The following GCLC variants were observed in gnomAD, a reference collection of about 807,000 sequenced individuals.
GCLC encodes glutamate-cysteine ligase catalytic subunit.
In GCLC, 30 loss-of-function variants were observed where a neutral mutation model predicts 81.5. The ratio of observed to expected loss-of-function variants is 0.37; its 90% CI spans 0.28 to 0.50. The LOEUF (loss-of-function observed/expected upper bound fraction) is 0.50, where lower values mean the gene tolerates loss of function less well. Among genes scored for constraint, GCLC ranks in the 20% least tolerant of loss-of-function variants. GCLC has a pLI of 0.96. For synonymous variants in GCLC, 262 were observed against 273.3 expected (o/e 0.96, Z 0.41); for missense variants, 556 against 777.4 (o/e 0.72, Z 3.39).
intron 1 of GCLC, among the ~76,000 whole-genome samples, chr6:53,527,480 C>T (rs954418253): frequency 2.6e-5 from 4 of 152,150 alleles, no homozygotes; most frequent in East Asian, 1.9e-4. Context: ...TTGCTGGACA[C>T]GCTCCCTGCC....
chr6:53,529,263 T>C (rs1763133257), intron 1 of GCLC, among the ~76,000 whole-genome samples: 1 of 152,226 alleles, frequency 6.6e-6, no homozygotes, highest in East Asian at 1.9e-4. Context: ...AATGTAGACC[T>C]GCTCTTTCAT....
rs997788796 is a variant in GCLC at position 53,544,792 on chromosome 6, T to C, written c.-147A>G. On this transcript the variant is annotated 5_prime_UTR_variant, in exon 1 of 16. Transcript: ENST00000650454. ...CGGGCCGCAGTCGGCGGAGGGAGGG[T>C]CCTGCCCGCTCCGGCTCCCCGGCGG... The C allele has an allele frequency of 3.0e-6, 2 of 660,118 alleles. No homozygotes were observed. Among genetic ancestry groups the C allele is most frequent in the Non-Finnish European group, 4.6e-6 (2 of 437,090 alleles). The allele number at this position is 660,118 out of a possible 1,614,324, so 40.9% of individuals were successfully genotyped here.
At chr6:53,525,320 G>A (rs558495136) in intron 1 of GCLC, among the ~76,000 whole-genome samples, 27 of 152,166 alleles carry the variant, frequency 1.8e-4, no homozygotes, top group Admixed American at 5.9e-4. Flanking sequence ...ATTCTGAATC[G>A]TAACTGCATA....
At position 53,506,110 on chromosome 6, in the gene GCLC, A is replaced by G; in HGVS notation, c.1198-215T>C. The G allele has an allele frequency of 2.0e-6, 1 of 511,808 alleles. No individual in the cohort carries two copies. Among genetic ancestry groups the G allele is most frequent in the South Asian group, 2.0e-5 (1 of 50,770 alleles). The allele number at this position is 511,808 out of a possible 1,614,324, so 31.7% of individuals were successfully genotyped here. A position where few individuals can be genotyped will look rare whatever the true frequency, so the allele number is the denominator to read the frequency against. ...TTAACAAAAGCTATGAGGCCCTATCACTGCAAGCTTAATCTCACCCAGCTC... is the reference window on the plus strand; with the variant it reads ...TTAACAAAAGCTATGAGGCCCTATCGCTGCAAGCTTAATCTCACCCAGCTC... On this transcript the variant is annotated intron_variant, in intron 10 of 15. Coordinates refer to ENST00000650454, the MANE Select transcript of GCLC (RefSeq NM_001498.4). The surrounding 1 kb of genome is among the most constrained non-coding windows in gnomAD (Gnocchi z 4.0).
At chr6:53,525,828 C>G (rs1166945378) in intron 1 of GCLC, among the ~76,000 whole-genome samples, 2 of 152,040 alleles carry the variant, frequency 1.3e-5, no homozygotes, top group Non-Finnish European at 2.9e-5. Flanking sequence ...GTCACAATGC[C>G]CTGAAGGTGA....
At chr6:53,517,115 C>T (rs1446723003) in intron 3 of GCLC, among the ~76,000 whole-genome samples, 1 of 123,726 alleles carries the variant, frequency 8.1e-6, no homozygotes, top group Admixed American at 9.6e-5. Context: ...GAGAAAGGGT[C>T]TTGCTCTGTC....
chr6:53,507,423 A>C lies in GCLC; in HGVS notation c.1084+57T>G, dbSNP rs1037599252. 4 of 1,590,258 alleles carry C rather than the reference A, an allele frequency of 2.5e-6. No individual in the cohort carries two copies. In the South Asian group the frequency reaches 4.4e-5, roughly 18 times the overall value. ...AGGAGTCAGCAAAAAAGTGTAAAAG[A>C]GCTTTGAAGAACTAAAGGCGTACAT... On this transcript the variant is annotated intron_variant, in intron 9 of 15. Transcript: ENST00000650454.
chr6:53,498,716 G>T lies in GCLC; in HGVS notation c.*40C>A, dbSNP rs539194390. 3 of 1,235,908 alleles carry T rather than the reference G, an allele frequency of 2.4e-6. No individual in the cohort carries two copies. The Admixed American group carries it at 5.0e-5, about 21-fold the overall frequency. 76.6% of individuals were successfully genotyped at this position (1,235,908 alleles called of 1,614,324 possible). ...GCTGGCTGAGAGGCATGGTACTGTA[G>T]CCAGTTCGTCAATAATGCATTTTTC... On this transcript the variant is annotated 3_prime_UTR_variant, in exon 16 of 16. Transcript: ENST00000650454.
At chr6:53,542,205 C>T (rs533717329) in intron 1 of GCLC, among the ~76,000 whole-genome samples, 76 of 152,238 alleles carry the variant, frequency 5.0e-4, no homozygotes, top group Middle Eastern at 3.4e-3. Flanking sequence ...ATCTGCTCAG[C>T]GTAATTTTTT....
chr6:53,509,342 G>A lies in GCLC; in HGVS notation c.754-92C>T, dbSNP rs549196989. The A allele has an allele frequency of 1.3e-3, 1,071 of 800,088 alleles. 7 individuals are homozygous for A. The highest frequency in any genetic ancestry group is 1.4e-4 in the Non-Finnish European group (61 of 446,746). The allele number at this position is 800,088 out of a possible 1,614,324, so 49.6% of individuals were successfully genotyped here. A position where few individuals can be genotyped will look rare whatever the true frequency, so the allele number is the denominator to read the frequency against. ...AGAGAAGGAAGGTGCTGGGCAGAGA[G>A]GGGCAAGTTAACAACGCTTCATTAA... On this transcript the variant is annotated intron_variant, in intron 6 of 15. Transcript: ENST00000650454.
In GCLC at chr6:53,534,491, A is replaced by C. The variant is rs202197558; in HGVS notation, c.150+10005T>G. On this transcript the variant is annotated intron_variant, in intron 1 of 15. Transcript: ENST00000650454. ...ACCTGAAAAACCAAAAAACAAAAAA[A>C]AAAAAGAGAGAGGAAGAGAAAATAT... 1.6e-3 allele frequency among the ~76,000 whole-genome samples: 156 copies of C among 96,306 alleles called. 1 individual carries two copies. The highest frequency in any genetic ancestry group is 0.015 in the Admixed American group (140 of 9,456). The allele number at this position is 96,306 out of a possible 152,430, so 63.2% of individuals were successfully genotyped here.
intron 3 of GCLC, among the ~76,000 whole-genome samples, chr6:53,519,766 C>A (rs1431247758): frequency 6.6e-6 from 1 of 152,096 alleles, no homozygotes; most frequent in African/African-American, 2.4e-5. Flanking sequence ...AGAGAAGTGA[C>A]CTGTACATAC....
chr6:53,509,430 G>A (rs1203739225), intron 6 of GCLC, 180 bp from the exon 7 acceptor site: 5 of 645,178 alleles, frequency 7.7e-6, no homozygotes, highest in Non-Finnish European at 1.4e-5. Flanking sequence ...ACTAGAAAAT[G>A]GTATTTAATT....
intron 1 of GCLC, among the ~76,000 whole-genome samples, chr6:53,540,782 C>G (rs1030571081): frequency 6.6e-6 from 1 of 151,930 alleles, no homozygotes; most frequent in Admixed American, 6.6e-5. Flanking sequence ...AAATAATGCT[C>G]TTACAAAAGG....
Position 53,544,625 on chromosome 6 carries a change from G to C in GCLC, c.21C>G (p.Gly7=). Reference sequence around the variant, plus strand: ...TGGTTTCCTCCCAGCTCAGCGGCGAGCCCTGGGACAGCAGCCCCATGGCCG... The same window carrying C: ...TGGTTTCCTCCCAGCTCAGCGGCGACCCCTGGGACAGCAGCCCCATGGCCG... MGLLSQ[G]SPLSWEETKR... Residue 7 remains glycine, a synonymous_variant, in exon 1 of 16, where the codon GGC becomes GGG. Coordinates refer to ENST00000650454, the MANE Select transcript of GCLC (RefSeq NM_001498.4). 1 of 1,600,324 alleles carries C rather than the reference G, an allele frequency of 6.2e-7. No homozygotes were observed. Among genetic ancestry groups the C allele is most frequent in the Non-Finnish European group, 8.5e-7 (1 of 1,179,240 alleles).
At position 53,544,686 on chromosome 6, in the gene GCLC, G is replaced by A. The variant is rs1188482238; in HGVS notation, c.-41C>T. 4 of 1,441,144 alleles carry A rather than the reference G, an allele frequency of 2.8e-6. No homozygotes were observed. Among genetic ancestry groups the A allele is most frequent in the Non-Finnish European group, 3.7e-6 (4 of 1,085,302 alleles). The allele number at this position is 1,441,144 out of a possible 1,614,324, so 89.3% of individuals were successfully genotyped here. On this transcript the variant is annotated 5_prime_UTR_variant, in exon 1 of 16. Transcript: ENST00000650454. ...CTCCTCCTCCTCCTCCGGGCTGACGGCGGTCGCCCGCTCCGGGCGCGAGAC... is the reference window on the plus strand; with the variant it reads ...CTCCTCCTCCTCCTCCGGGCTGACGACGGTCGCCCGCTCCGGGCGCGAGAC...
intron 9 of GCLC, 65 bp from the exon 10 acceptor site, chr6:53,507,090 A>G: frequency 1.1e-6 from 1 of 899,208 alleles, no homozygotes; most frequent in Middle Eastern, 2.1e-4. Flanking sequence ...CTTAGTCCAG[A>G]AAGACGACAG....
chr6:53,529,232 T>A (rs939130538), intron 1 of GCLC, among the ~76,000 whole-genome samples: 1 of 152,222 alleles, frequency 6.6e-6, no homozygotes, highest in Non-Finnish European at 1.5e-5. Flanking sequence ...TTCATTATTG[T>A]TGGCACAAAG....
intron 6 of GCLC, among the ~76,000 whole-genome samples, chr6:53,511,202 G>GGC (rs1561941411): frequency 2.5e-5 from 1 of 40,194 alleles, no homozygotes; most frequent in East Asian, 1.4e-3. Context: ...AAAAAAAAGT[G>GGC]GGGGGGGGGT....
Sources: gnomAD v4.1 joint callset for allele counts (sites outside exome capture counted in the v4.1 genomes callset) on GRCh38, gnomAD v4.1.1 for gene constraint, Gnocchi (gnomAD v3.1) non-coding constraint, MANE v1.5 for transcripts, NCBI Gene and HGNC (gene_info 2026-07-23, HGNC 2026-07-21) for gene names.